The following ARMC2 variants were observed in gnomAD, a reference collection of about 807,000 sequenced individuals.
ARMC2 encodes armadillo repeat-containing protein 2.
ARMC2 carries 67 observed loss-of-function variants against 90.3 expected under a neutral mutation model. The observed-to-expected ratio is 0.74, with a 90% CI of 0.61 to 0.91. The LOEUF (loss-of-function observed/expected upper bound fraction) is 0.91, where lower values mean the gene tolerates loss of function less well. Among genes scored for constraint, ARMC2 ranks in the 40% least tolerant of loss-of-function variants. ARMC2 has a pLI of 0.00. For missense variants in ARMC2, 920 were observed against 1,030.9 expected (o/e 0.89, Z 1.47); for synonymous variants, 393 against 393.0 (o/e 1.00, Z 0.00).
chr6:109,012,840 C>T, the ARMC2 span, among the ~76,000 whole-genome samples: 2 of 152,006 alleles, frequency 1.3e-5, no homozygotes, highest in African/African-American at 2.4e-5. Flanking sequence ...GTAGGCCGGG[C>T]GTGGTGGCTT....
At chr6:108,945,686 T>C (rs1338607407) in intron 12 of ARMC2, among the ~76,000 whole-genome samples, 4 of 152,250 alleles carry the variant, frequency 2.6e-5, no homozygotes, top group Non-Finnish European at 5.9e-5. Flanking sequence ...CAGTGAACAC[T>C]GATTTGGAAT....
At chr6:108,987,806 C>CTCTT in the ARMC2 span, among the ~76,000 whole-genome samples, 1 of 135,588 alleles carries the variant, frequency 7.4e-6, no homozygotes, top group Non-Finnish European at 1.6e-5. Flanking sequence ...CAGCAGCTAT[C>CTCTT]TTTTTTTTTT....
intron 5 of ARMC2, among the ~76,000 whole-genome samples, chr6:108,894,096 A>C (rs1358572269): frequency 1.3e-5 from 2 of 152,080 alleles, no homozygotes; most frequent in Non-Finnish European, 2.9e-5. Context: ...GGCTGGACAC[A>C]GTGGCTCACT....
rs541187954 is a variant in ARMC2 at position 108,940,500 on chromosome 6, A to T, written c.1596+3501A>T. On this transcript the variant is annotated intron_variant, in intron 12 of 17. Transcript: ENST00000392644. Reference sequence around the variant, plus strand: ...TACATAGCACGCAGGGAAGGTGGCCACCCCAACCTAATCTTCTTATTATAC... The same window carrying T: ...TACATAGCACGCAGGGAAGGTGGCCTCCCCAACCTAATCTTCTTATTATAC... Among the ~76,000 whole-genome samples the T allele has an allele frequency of 3.3e-5, 5 of 152,242 alleles. No homozygotes were observed. The South Asian group carries it at 1.0e-3, about 32-fold the overall frequency.
chr6:108,889,126 G>T (rs1356166585), intron 5 of ARMC2, among the ~76,000 whole-genome samples: 1 of 152,002 alleles, frequency 6.6e-6, no homozygotes, highest in East Asian at 1.9e-4. Context: ...GTTGTCATTT[G>T]CTGGTTTAAC....
intron 11 of ARMC2, among the ~76,000 whole-genome samples, chr6:108,930,184 T>C (rs1775418148): frequency 1.3e-5 from 2 of 152,156 alleles, no homozygotes; most frequent in Admixed American, 6.5e-5. Context: ...TATGAACTTA[T>C]TAATCTTGCA....
the ARMC2 span, chr6:109,009,599 C>T: frequency 6.7e-6 from 7 of 1,046,610 alleles, no homozygotes; most frequent in Non-Finnish European, 8.1e-6. Flanking sequence ...GCGGCCCCGC[C>T]CCGCGCCCGT....
At chr6:108,944,072 C>A (rs913210015) in intron 12 of ARMC2, among the ~76,000 whole-genome samples, 1 of 152,142 alleles carries the variant, frequency 6.6e-6, no homozygotes, top group Non-Finnish European at 1.5e-5. Context: ...TAAGGTGGTT[C>A]TTTAAAACCA....
chr6:108,968,104 C>T (rs1399525409), intron 17 of ARMC2, among the ~76,000 whole-genome samples: 1 of 152,244 alleles, frequency 6.6e-6, no homozygotes, highest in East Asian at 1.9e-4. Context: ...AAGGATATTG[C>T]CTCATACAAA....
At chr6:108,920,576 G>A (rs1320624843) in intron 10 of ARMC2, among the ~76,000 whole-genome samples, 2 of 152,168 alleles carry the variant, frequency 1.3e-5, no homozygotes, top group East Asian at 3.8e-4. Context: ...AGGGACAGCA[G>A]ATCTGAAGAT....
At chr6:108,929,261 G>A (rs2768561) in intron 11 of ARMC2, among the ~76,000 whole-genome samples, 29,341 of 151,964 alleles carry the variant, frequency 0.19, 3,007 homozygotes, top group African/African-American at 0.23. Context: ...TGTCATGTAG[G>A]GGTCCAACTT....
At chr6:109,025,390 T>C in the ARMC2 span, among the ~76,000 whole-genome samples, 2 of 151,470 alleles carry the variant, frequency 1.3e-5, no homozygotes, top group South Asian at 4.2e-4. Flanking sequence ...AAATAGAGAT[T>C]TTCTCTGAAG....
chr6:109,046,621 C>T, the ARMC2 span, among the ~76,000 whole-genome samples: 1 of 140,884 alleles, frequency 7.1e-6, no homozygotes, highest in African/African-American at 2.6e-5. Flanking sequence ...CGGCCGCCAT[C>T]CCATCTAGGA....
intron 10 of ARMC2, among the ~76,000 whole-genome samples, chr6:108,925,828 A>G (rs374117748): frequency 3.3e-5 from 5 of 152,354 alleles, no homozygotes; most frequent in East Asian, 1.9e-4. Flanking sequence ...GAGGTATTGT[A>G]TATTACTCAA....
the ARMC2 span, among the ~76,000 whole-genome samples, chr6:109,032,629 G>T: frequency 1.3e-5 from 2 of 151,486 alleles, no homozygotes; most frequent in Non-Finnish European, 2.9e-5. Context: ...TGGGGGGAGT[G>T]GGGGGGAAGA....
chr6:109,005,456 T>C, the ARMC2 span, among the ~76,000 whole-genome samples: 1 of 152,214 alleles, frequency 6.6e-6, no homozygotes, highest in African/African-American at 2.4e-5. Flanking sequence ...TGTGGCCAGA[T>C]TGACAGCACA....
chr6:108,849,622 A>G (rs1288654089), intron 1 of ARMC2, among the ~76,000 whole-genome samples: 1 of 150,716 alleles, frequency 6.6e-6, no homozygotes, highest in Non-Finnish European at 1.5e-5. Flanking sequence ...ATTCGTGGAA[A>G]TGATTTTGCT....
chr6:108,985,793 G>C, the ARMC2 span, among the ~76,000 whole-genome samples: 3 of 152,178 alleles, frequency 2.0e-5, no homozygotes, highest in Admixed American at 1.3e-4. Flanking sequence ...TCTGGTGAGA[G>C]AACTCAGCAG....
At chr6:108,941,502 G>T (rs1776435960) in intron 12 of ARMC2, among the ~76,000 whole-genome samples, 2 of 152,130 alleles carry the variant, frequency 1.3e-5, no homozygotes, top group Admixed American at 1.3e-4. Context: ...ACCCAATCAG[G>T]GATTAATTCC....
Sources: allele counts gnomAD v4.1 joint callset (sites outside exome capture counted in the v4.1 genomes callset), GRCh38; gene constraint gnomAD v4.1.1; transcripts MANE v1.5; gene names NCBI Gene and HGNC (gene_info 2026-07-23, HGNC 2026-07-21).